The following MTX3 variants were observed in gnomAD, a reference collection of about 807,000 sequenced individuals.
MTX3 encodes the protein metaxin-3.
MTX3 carries 27 observed loss-of-function variants against 42.5 expected under a neutral mutation model. That is an observed-to-expected ratio of 0.64 (90% CI 0.47 to 0.88). The LOEUF (loss-of-function observed/expected upper bound fraction) is 0.88. MTX3 is among the 40% of genes least tolerant of loss of function. The probability of loss-of-function intolerance (pLI) is 0.00; values close to 1 mark genes in which losing one functional copy is unlikely to be tolerated. For missense variants in MTX3, 378 were observed against 367.0 expected, an observed-to-expected ratio of 1.03 and a Z score of -0.25; for synonymous variants, 144 against 132.9, an observed-to-expected ratio of 1.08 and a Z score of -0.57.
chr5:79,984,573 C>T (rs1831445777), intron 8 of MTX3, among the ~76,000 whole-genome samples: 1 of 151,716 alleles, frequency 6.6e-6, no homozygotes, highest in Non-Finnish European at 1.5e-5. Flanking sequence ...GTCATCAGGC[C>T]TCATTGCCCT....
Position 79,991,243 on chromosome 5 carries a change from C to A in MTX3, c.-5G>T. 6.9e-7 allele frequency: 1 copy of A among 1,448,794 alleles called. No individual in the cohort carries two copies. Among genetic ancestry groups the A allele is most frequent in the Non-Finnish European group, 9.1e-7 (1 of 1,097,306 alleles). The allele number at this position is 1,448,794 out of a possible 1,614,324, so 89.7% of individuals were successfully genotyped here. On this transcript the variant is annotated 5_prime_UTR_variant, in exon 1 of 9. Transcript: ENST00000512528. The stretch of plus-strand genomic sequence containing the variant: ...GAGTTCCAAGGGGGCCGCCATCTTG[C>A]GCGGGCCGACCTTTACTATCCCGGA...
At position 79,983,476 on chromosome 5, in the gene MTX3, T is replaced by A; in HGVS notation, c.*208A>T. 1 of 467,992 alleles carries A rather than the reference T, an allele frequency of 2.1e-6. No individual in the cohort carries two copies. The highest frequency in any genetic ancestry group is 3.8e-6 in the Non-Finnish European group (1 of 265,310). 29.0% of individuals were successfully genotyped at this position (467,992 alleles called of 1,614,324 possible). A position where few individuals can be genotyped will look rare whatever the true frequency, so the allele number is the denominator to read the frequency against. ...CCCCGCCCCCCCAACCAAGTTCATT[T>A]AGCATTCTCTTTGTTATTAAAAATG... On this transcript the variant is annotated 3_prime_UTR_variant, in exon 9 of 9. Transcript: ENST00000512528.
intron 6 of MTX3, among the ~76,000 whole-genome samples, chr5:79,987,391 G>A (rs1216556937): frequency 7.6e-6 from 1 of 132,226 alleles, no homozygotes; most frequent in Non-Finnish European, 1.5e-5. Context: ...AATGAGCCAA[G>A]ATCATGCCAC....
rs1267902173 is a variant in MTX3, at chr5:79,981,580, T to G, written c.*2104A>C. 6.6e-6 allele frequency: 1 copy of G among 152,188 alleles called. No individual in the cohort carries two copies. The highest frequency in any genetic ancestry group is 1.5e-5 in the Non-Finnish European group (1 of 68,024). The allele number at this position is 152,188 out of a possible 1,614,324, so 9.4% of individuals were successfully genotyped here. A position where few individuals can be genotyped will look rare whatever the true frequency, so the allele number is the denominator to read the frequency against. On this transcript the variant is annotated 3_prime_UTR_variant, in exon 9 of 9. Transcript: ENST00000512528. ...GAAGAACATGAGCTCCACGTTCCTG[T>G]AAAACTTTAAACACATTTTTCTTCC...
rs1400139067 is a variant in MTX3 at position 79,983,158 on chromosome 5, T to C, written c.*526A>G. 6.5e-6 allele frequency: 1 copy of C among 154,836 alleles called. No homozygotes were observed. The highest frequency in any genetic ancestry group is 1.4e-5 in the Non-Finnish European group (1 of 69,708). 9.6% of individuals were successfully genotyped at this position (154,836 alleles called of 1,614,324 possible). ...AATTAAAAAGCACATTCCTCCTCAC[T>C]TTTTAAAGTTAAATATGGTCTCTTC... On this transcript the variant is annotated 3_prime_UTR_variant, in exon 9 of 9. Coordinates refer to ENST00000512528, the MANE Select transcript of MTX3 (RefSeq NM_001363818.2).
At chr5:79,987,243 T>A in intron 6 of MTX3, 136 bp from the exon 7 acceptor site, 1 of 658,988 alleles carries the variant, frequency 1.5e-6, no homozygotes, top group East Asian at 2.8e-5. Flanking sequence ...GAGTTCCAGA[T>A]AAGCCTGGCC....
chr5:79,989,941 C>G (rs1831591233), intron 3 of MTX3, among the ~76,000 whole-genome samples: 2 of 152,258 alleles, frequency 1.3e-5, no homozygotes, highest in Non-Finnish European at 2.9e-5. Flanking sequence ...AAAATTCAAG[C>G]AAAGTTTATT....
Position 79,989,134 on chromosome 5 carries a change from A to G in MTX3, c.321+18T>C, listed in dbSNP as rs1306249056. 6.6e-7 allele frequency: 1 copy of G among 1,525,588 alleles called. No individual in the cohort carries two copies. Among genetic ancestry groups the G allele is most frequent in the African/African-American group, 1.4e-5 (1 of 72,158 alleles). The allele number at this position is 1,525,588 out of a possible 1,614,324, so 94.5% of individuals were successfully genotyped here. ...GCAACTAGGCTACTAAAATACTGTA[A>G]TATTTAAGAACACTCACCACTGCAG... On this transcript the variant is annotated intron_variant, in intron 4 of 8. Coordinates refer to ENST00000512528, the MANE Select transcript of MTX3 (RefSeq NM_001363818.2).
chr5:79,988,132 T>A (rs1831540278), intron 6 of MTX3, 107 bp downstream of exon 6: 6 of 709,682 alleles, frequency 8.5e-6, no homozygotes, highest in South Asian at 5.5e-5. Context: ...TTGTTTTTTT[T>A]AAGTAAAAAA....
In MTX3 at chr5:79,982,201, G is replaced by T. The variant is rs557028141; in HGVS notation, c.*1483C>A. ...GGTACTTTCCCTCATCCAAACAGAT[G>T]ACCAAGATTTTGAAGACTACCTTAT... On this transcript the variant is annotated 3_prime_UTR_variant, in exon 9 of 9. Coordinates refer to ENST00000512528, the MANE Select transcript of MTX3 (RefSeq NM_001363818.2). 21 of 293,290 alleles carry T rather than the reference G, an allele frequency of 7.2e-5. No individual in the cohort carries two copies. The Admixed American group carries it at 8.3e-4, about 12-fold the overall frequency. The allele number at this position is 293,290 out of a possible 1,614,324, so 18.2% of individuals were successfully genotyped here.
chr5:79,989,066 G>A (rs955012696), intron 4 of MTX3, 86 bp downstream of exon 4: 1 of 921,176 alleles, frequency 1.1e-6, no homozygotes, highest in Non-Finnish European at 1.6e-6. Context: ...TTTCTCTTAA[G>A]ACTTTTCTCA....
intron 3 of MTX3, among the ~76,000 whole-genome samples, chr5:79,989,788 A>G (rs1831586810): frequency 6.6e-6 from 1 of 152,248 alleles, no homozygotes; most frequent in African/African-American, 2.4e-5. Context: ...CTTTTTAAAA[A>G]TAATATAGTT....
chr5:79,983,761 G>C lies in MTX3; in HGVS notation c.862C>G (p.Pro288Ala). 6.2e-7 allele frequency: 1 copy of C among 1,613,848 alleles called. No individual in the cohort carries two copies. The highest frequency in any genetic ancestry group is 1.7e-5 in the Admixed American group (1 of 60,010). The change falls in exon 9 of 9, where the codon CCT (proline) becomes GCT (alanine). Residue 288 changes from proline to alanine, a missense_variant. Physicochemically the swap from Pro to Ala is conservative, Grantham distance 27. Transcript: ENST00000512528. ...DDNLRQSPQL[P>A]PRKLPTLKLT... ...TTAAGTGTTGGCAGTTTCCGAGGAG[G>C]AAGCTGAGGGCTTTGGCGAAGATTG...
chr5:79,990,877 G>T, intron 1 of MTX3: 2 of 709,072 alleles, frequency 2.8e-6, no homozygotes, highest in South Asian at 3.0e-5. Flanking sequence ...AGAGTAGGGA[G>T]GGCGCGCCCC....
chr5:79,979,315 C>T lies in MTX3; in HGVS notation c.*4369G>A, dbSNP rs191351532. ...CTTACTGACCTGACCTTTGATTTCA[C>T]GTAACTAACAACAAATTTCTTTAAA... is the stretch of plus-strand genomic sequence containing the variant. On this transcript the variant is annotated 3_prime_UTR_variant, in exon 9 of 9. Coordinates refer to ENST00000512528, the MANE Select transcript of MTX3 (RefSeq NM_001363818.2). 100 of 152,192 alleles carry T rather than the reference C, an allele frequency of 6.6e-4. No individual in the cohort carries two copies. The highest frequency in any genetic ancestry group is 2.2e-3 in the African/African-American group (90 of 41,536). 9.4% of individuals were successfully genotyped at this position (152,192 alleles called of 1,614,324 possible). A position where few individuals can be genotyped will look rare whatever the true frequency, so the allele number is the denominator to read the frequency against.
At chr5:79,991,011 G>A (rs1227203331) in intron 1 of MTX3, 147 bp downstream of exon 1, 1 of 887,994 alleles carries the variant, frequency 1.1e-6, no homozygotes. Context: ...GTTGGGACTC[G>A]TCGGTGGGAG....
intron 8 of MTX3, among the ~76,000 whole-genome samples, chr5:79,985,340 G>C (rs569337959): frequency 2.0e-5 from 3 of 152,116 alleles, no homozygotes; most frequent in African/African-American, 7.2e-5. Flanking sequence ...CTAACTGTGT[G>C]GCAAAAGTAA....
chr5:79,982,436 A>T lies in MTX3; in HGVS notation c.*1248T>A, dbSNP rs1281330977. ...CACGACTTGATAAGATTTGCTGAGC[A>T]CCACAGTAATCTTTTAAGACACTAA... On this transcript the variant is annotated 3_prime_UTR_variant, in exon 9 of 9. Transcript: ENST00000512528. 2.2e-6 allele frequency: 1 copy of T among 456,596 alleles called. No homozygotes were observed. The highest frequency in any genetic ancestry group is 4.4e-6 in the Non-Finnish European group (1 of 226,908). 28.3% of individuals were successfully genotyped at this position (456,596 alleles called of 1,614,324 possible). A position where few individuals can be genotyped will look rare whatever the true frequency, so the allele number is the denominator to read the frequency against.
At chr5:79,985,131 G>A (rs531979496) in intron 8 of MTX3, among the ~76,000 whole-genome samples, 44 of 152,130 alleles carry the variant, frequency 2.9e-4, no homozygotes, top group East Asian at 5.8e-4. Flanking sequence ...ACAGGCGCCC[G>A]CCACCATGCC....
Sources: gnomAD v4.1 joint callset for allele counts (sites outside exome capture counted in the v4.1 genomes callset) on GRCh38, gnomAD v4.1.1 for gene constraint, MANE v1.5 for transcripts, NCBI Gene and HGNC (gene_info 2026-07-23, HGNC 2026-07-21) for gene names.